The following FAM110B variants were observed in gnomAD, a reference collection of about 807,000 sequenced individuals.
The protein encoded by FAM110B is protein FAM110B.
A neutral mutation model predicts 20.4 loss-of-function variants in FAM110B; 6 were observed. The observed-to-expected ratio is 0.29, with a 90% CI of 0.16 to 0.58. FAM110B has a LOEUF of 0.58. FAM110B is among the 20% of genes least tolerant of loss of function. The probability of loss-of-function intolerance (pLI) is 0.90; values close to 1 mark genes in which losing one functional copy is unlikely to be tolerated. For synonymous variants in FAM110B, 226 were observed against 214.1 expected (o/e 1.06, Z -0.49); for missense variants, 434 against 498.2 (o/e 0.87, Z 1.23).
chr8:58,105,209 C>A (rs1464246651), intron 3 of FAM110B, among the ~76,000 whole-genome samples: 1 of 152,028 alleles, frequency 6.6e-6, no homozygotes, highest in East Asian at 1.9e-4. Context: ...AGCTCTGAAG[C>A]TGGATACACG....
chr8:58,032,758 G>T (rs1319458036), intron 2 of FAM110B: 2 of 152,158 alleles, frequency 1.3e-5, no homozygotes, highest in East Asian at 1.9e-4. Flanking sequence ...AATTGTTCCA[G>T]TGTTCCATAG....
chr8:58,102,182 A>AAC (rs1416226683), intron 3 of FAM110B, among the ~76,000 whole-genome samples: 1 of 152,214 alleles, frequency 6.6e-6, no homozygotes, highest in Non-Finnish European at 1.5e-5. Flanking sequence ...ATAACTTTGG[A>AAC]ACGGCTTCAG....
At chr8:58,027,353 G>A (rs928009092) in intron 1 of FAM110B, among the ~76,000 whole-genome samples, 77 of 151,638 alleles carry the variant, frequency 5.1e-4, no homozygotes, top group African/African-American at 1.8e-3. Flanking sequence ...AAGATGTTGA[G>A]TACCATCCAC....
intron 2 of FAM110B, among the ~76,000 whole-genome samples, chr8:58,064,826 C>T (rs1006243280): frequency 3.3e-5 from 5 of 152,044 alleles, no homozygotes; most frequent in African/African-American, 1.2e-4. Flanking sequence ...AGCTGGTTTG[C>T]GATAAAACGT....
intron 3 of FAM110B, among the ~76,000 whole-genome samples, chr8:58,101,195 T>C (rs1025682774): frequency 1.3e-5 from 2 of 151,896 alleles, no homozygotes; most frequent in Non-Finnish European, 1.5e-5. Flanking sequence ...AAAAAACCTG[T>C]TTACTATTCC....
At chr8:58,086,459 A>C (rs891215191) in intron 3 of FAM110B, among the ~76,000 whole-genome samples, 2 of 152,246 alleles carry the variant, frequency 1.3e-5, no homozygotes, top group Non-Finnish European at 2.9e-5. Context: ...CACTATGTTT[A>C]AAACCATTTT....
rs1198635412 is a variant in FAM110B, at chr8:57,994,650, C to T, written c.-668C>T. 2.0e-5 allele frequency: 3 copies of T among 152,226 alleles called. No homozygotes were observed. The highest frequency in any genetic ancestry group is 4.8e-5 in the African/African-American group (2 of 41,430). The allele number at this position is 152,226 out of a possible 1,614,324, so 9.4% of individuals were successfully genotyped here. A position where few individuals can be genotyped will look rare whatever the true frequency, so the allele number is the denominator to read the frequency against. On this transcript the variant is annotated 5_prime_UTR_variant, in exon 1 of 4. Coordinates refer to ENST00000519262, the MANE Select transcript of FAM110B (RefSeq NM_001377989.1). ...CCGCCAGCCCCGTCTGCTCTCTACC[C>T]GCGGCCCCGCGGCGGCGACCGTGAA...
At chr8:58,040,935 C>CTTTTTTTT (rs60228265) in intron 2 of FAM110B, among the ~76,000 whole-genome samples, 5 of 97,348 alleles carry the variant, frequency 5.1e-5, no homozygotes, top group Non-Finnish European at 7.9e-5. Context: ...ATGGGAAAAT[C>CTTTTTTTT]TTTTTTTTTT....
chr8:58,123,993 G>T (rs985302585), intron 3 of FAM110B, among the ~76,000 whole-genome samples: 1 of 152,144 alleles, frequency 6.6e-6, no homozygotes, highest in Admixed American at 6.5e-5. Context: ...TAGGACAAAG[G>T]TCTTGTTAAT....
intron 2 of FAM110B, chr8:58,043,207 G>C (rs1354372335): frequency 1.3e-5 from 2 of 152,160 alleles, no homozygotes; most frequent in Non-Finnish European, 2.9e-5. Flanking sequence ...CAAGAGGAGA[G>C]GTGGCCAGTA....
intron 1 of FAM110B, among the ~76,000 whole-genome samples, chr8:58,025,845 C>T (rs1406242854): frequency 6.6e-6 from 1 of 152,176 alleles, no homozygotes; most frequent in Admixed American, 6.5e-5. Flanking sequence ...CTCCACATGA[C>T]AGGCACTTCC....
intron 3 of FAM110B, among the ~76,000 whole-genome samples, chr8:58,104,031 G>A (rs1041566176): frequency 6.6e-6 from 1 of 152,196 alleles, no homozygotes; most frequent in African/African-American, 2.4e-5. Context: ...AAAAGACTAA[G>A]GAGATATTTT....
intron 3 of FAM110B, among the ~76,000 whole-genome samples, chr8:58,130,618 C>G (rs1803431536): frequency 6.6e-6 from 1 of 152,198 alleles, no homozygotes. Context: ...AATTGTGTCT[C>G]TTCCATTCAT....
At chr8:58,041,367 T>C (rs1805216777) in intron 2 of FAM110B, among the ~76,000 whole-genome samples, 1 of 152,212 alleles carries the variant, frequency 6.6e-6, no homozygotes, top group African/African-American at 2.4e-5. Flanking sequence ...AAGGTGATGA[T>C]AGTTCCCACT....
intron 1 of FAM110B, among the ~76,000 whole-genome samples, chr8:58,008,493 A>G (rs1161148414): frequency 6.6e-6 from 1 of 152,136 alleles, no homozygotes; most frequent in Non-Finnish European, 1.5e-5. Flanking sequence ...CATGGTGTAC[A>G]GCTTGGTATT....
intron 3 of FAM110B, among the ~76,000 whole-genome samples, chr8:58,134,753 C>T (rs6998468): frequency 0.28 from 42,676 of 152,096 alleles, 7,192 homozygotes; most frequent in African/African-American, 0.48. Flanking sequence ...CCAACTTTGA[C>T]AGATCCACAG....
At chr8:58,106,749 A>G (rs538801386) in intron 3 of FAM110B, among the ~76,000 whole-genome samples, 1 of 152,374 alleles carries the variant, frequency 6.6e-6, no homozygotes, top group East Asian at 1.9e-4. Flanking sequence ...TAGCCAAACC[A>G]TAAAAAAGAT....
intron 2 of FAM110B, among the ~76,000 whole-genome samples, chr8:58,058,080 C>T (rs1473400361): frequency 6.6e-6 from 1 of 152,222 alleles, no homozygotes; most frequent in African/African-American, 2.4e-5. Context: ...TTTACATTCT[C>T]TACAGACAAT....
intron 1 of FAM110B, among the ~76,000 whole-genome samples, chr8:58,020,073 C>T (rs1294463024): frequency 2.0e-5 from 3 of 151,874 alleles, no homozygotes; most frequent in Non-Finnish European, 2.9e-5. Context: ...CTACAAAGTC[C>T]AATTAGCAAG....
Sources: gnomAD v4.1 joint callset for allele counts (sites outside exome capture counted in the v4.1 genomes callset) on GRCh38, gnomAD v4.1.1 for gene constraint, MANE v1.5 for transcripts, NCBI Gene and HGNC (gene_info 2026-07-23, HGNC 2026-07-21) for gene names.